The following SMARCA2 variants were observed in gnomAD, a reference collection of about 807,000 sequenced individuals.
SMARCA2 encodes SWI/SNF related BAF chromatin remodeling complex subunit ATPase 2, also known as SWI/SNF-related matrix-associated actin-dependent regulator of chromatin subfamily A member 2.
A neutral mutation model predicts 199.8 loss-of-function variants in SMARCA2; 61 were observed. That is an observed-to-expected ratio of 0.31 (90% confidence interval 0.25 to 0.38). The LOEUF is 0.38. Ranked by LOEUF, SMARCA2 falls within the 10% of genes least tolerant of loss-of-function variation. The pLI is 1.00. For synonymous variants in SMARCA2, 935 were observed against 732.0 expected (o/e 1.28, Z -4.48); for missense variants, 1,344 against 2,012.2 (o/e 0.67, Z 6.35).
At chr9:2,122,699 A>G (rs1444143303) in intron 26 of SMARCA2, among the ~76,000 whole-genome samples, 1 of 152,216 alleles carries the variant, frequency 6.6e-6, no homozygotes, top group Non-Finnish European at 1.5e-5. Flanking sequence ...TATCAGTTTT[A>G]GCTTTTAAGA....
intron 32 of SMARCA2, among the ~76,000 whole-genome samples, chr9:2,188,137 T>G (rs1428590469): frequency 6.6e-6 from 1 of 152,214 alleles, no homozygotes; most frequent in Non-Finnish European, 1.5e-5. Context: ...TTGTACTTAT[T>G]ATGAACACTT....
intron 5 of SMARCA2, among the ~76,000 whole-genome samples, chr9:2,051,185 T>G (rs1820103020): frequency 6.6e-6 from 1 of 152,222 alleles, no homozygotes; most frequent in Non-Finnish European, 1.5e-5. Context: ...AAGCCCCTCC[T>G]GTACCTTTGC....
chr9:2,016,468 G>C lies in SMARCA2; in HGVS notation c.-37+1064G>C, dbSNP rs1337150419. 2 of 152,422 alleles carry C rather than the reference G, an allele frequency of 1.3e-5. No homozygotes were observed. The highest frequency in any genetic ancestry group is 2.4e-5 in the African/African-American group (1 of 41,442). 9.4% of individuals were successfully genotyped at this position (152,422 alleles called of 1,614,324 possible). A position where few individuals can be genotyped will look rare whatever the true frequency, so the allele number is the denominator to read the frequency against. On this transcript the variant is annotated intron_variant, in intron 1 of 33. Coordinates refer to ENST00000349721, the MANE Select transcript of SMARCA2 (RefSeq NM_003070.5). This position sits in a 1 kb window ranked among gnomAD's most constrained non-coding sequence, Gnocchi z 5.6. ...CGCGTCTTCCCCTTGCTTGCGCCGC[G>C]GGAGCTGCGGGCGTGGGGCGCCTGC...
intron 4 of SMARCA2, chr9:2,044,602 CTA>C (rs1819756100): frequency 6.6e-6 from 1 of 152,172 alleles, no homozygotes; most frequent in Non-Finnish European, 1.5e-5. Context: ...CACCGCTGCC[CTA>C]TGAGGTGGCT....
At chr9:2,028,014 C>T (rs1243829050) in intron 1 of SMARCA2, among the ~76,000 whole-genome samples, 1 of 152,192 alleles carries the variant, frequency 6.6e-6, no homozygotes, top group East Asian at 1.9e-4. Flanking sequence ...GAGGCATTTC[C>T]AATGGGGATG....
chr9:2,179,840 T>A (rs1218427760), intron 29 of SMARCA2, among the ~76,000 whole-genome samples: 1 of 152,188 alleles, frequency 6.6e-6, no homozygotes, highest in Non-Finnish European at 1.5e-5. Context: ...GAGGTCTGAC[T>A]TTTGGGGTGC....
intron 4 of SMARCA2, 115 bp downstream of exon 4, chr9:2,040,015 C>T (rs1379301899): frequency 2.0e-6 from 3 of 1,518,578 alleles, no homozygotes; most frequent in African/African-American, 2.7e-5. Flanking sequence ...TTTTGTTATA[C>T]CTCACTGGCT....
At chr9:2,040,012 A>ATACC (rs1487796769) in intron 4 of SMARCA2, 112 bp downstream of exon 4, 34 of 1,526,502 alleles carry the variant, frequency 2.2e-5, no homozygotes, top group Non-Finnish European at 2.5e-5. Flanking sequence ...GCCTTTTGTT[A>ATACC]TACCTCACTG....
At chr9:2,044,011 A>G (rs539076371) in intron 4 of SMARCA2, 1 of 152,314 alleles carries the variant, frequency 6.6e-6, no homozygotes, top group South Asian at 2.1e-4. Context: ...ACCAGGGAAA[A>G]GTCTTGTCAA....
rs113939356 is a variant in SMARCA2, at chr9:2,087,480, A to AG, written c.2769+409_2769+410insG. 115 of 163,948 alleles carry AG rather than the reference A, an allele frequency of 7.0e-4. 1 individual carries two copies. Among genetic ancestry groups the AG allele is most frequent in the African/African-American group, 2.6e-3 (110 of 41,774 alleles). 10.2% of individuals were successfully genotyped at this position (163,948 alleles called of 1,614,324 possible). A position where few individuals can be genotyped will look rare whatever the true frequency, so the allele number is the denominator to read the frequency against. On this transcript the variant is annotated intron_variant, in intron 18 of 33. Coordinates refer to ENST00000349721, the MANE Select transcript of SMARCA2 (RefSeq NM_003070.5). ...TTACAAACTTGGAGTTCCCTTTAAA[A>AG]TATTTCCACATAAAGATTTTGTGTG... is the stretch of plus-strand genomic sequence containing the variant.
intron 3 of SMARCA2, among the ~76,000 whole-genome samples, chr9:2,034,627 A>C (rs16936835): frequency 0.14 from 21,027 of 152,226 alleles, 1,641 homozygotes; most frequent in Admixed American, 0.21. Context: ...TGTTTCCTCT[A>C]TCCATGATCA....
rs1563725197 is a variant in SMARCA2, at chr9:2,039,857, GCAA to G, written c.753_755del (p.Gln253del). 1.2e-6 allele frequency: 2 copies of G among 1,613,660 alleles called. No homozygotes were observed. The highest frequency in any genetic ancestry group is 2.2e-5 in the East Asian group (1 of 44,876). ...AGCAGCCGCCGCAACCACAGACGCA[GCAA>G]CAACAGCAGCCGGCCCTTGTTAACT... On this transcript the variant is annotated inframe_deletion, in exon 4 of 34. Coordinates refer to ENST00000349721, the MANE Select transcript of SMARCA2 (RefSeq NM_003070.5). The surrounding 1 kb of genome is among the most constrained non-coding windows in gnomAD (Gnocchi z 4.8).
At chr9:2,165,482 G>A (rs1825889981) in intron 28 of SMARCA2, among the ~76,000 whole-genome samples, 1 of 152,146 alleles carries the variant, frequency 6.6e-6, no homozygotes, top group Non-Finnish European at 1.5e-5. Context: ...AAATCCTTCT[G>A]CAGTAACTGC....
Position 2,083,422 on chromosome 9 carries a change from T to G in SMARCA2, c.2415+9T>G. 6.3e-7 allele frequency: 1 copy of G among 1,583,826 alleles called. No homozygotes were observed. The highest frequency in any genetic ancestry group is 8.6e-7 in the Non-Finnish European group (1 of 1,158,474). On this transcript the variant is annotated intron_variant, in intron 16 of 33. Transcript: ENST00000349721. Reference sequence around the variant, plus strand: ...TGAAGATTTCTTACAAGGTTTGGAATGCTGTATTTATATATAAATGTGGAA... The same window carrying G: ...TGAAGATTTCTTACAAGGTTTGGAAGGCTGTATTTATATATAAATGTGGAA...
intron 27 of SMARCA2, among the ~76,000 whole-genome samples, chr9:2,132,894 A>T (rs545995784): frequency 2.0e-5 from 3 of 152,336 alleles, no homozygotes; most frequent in Non-Finnish European, 2.9e-5. Flanking sequence ...TTAACAGCCC[A>T]TTGGACTTAA....
chr9:2,067,763 G>T (rs987884658), intron 9 of SMARCA2, among the ~76,000 whole-genome samples: 2 of 152,160 alleles, frequency 1.3e-5, no homozygotes, highest in African/African-American at 4.8e-5. Context: ...ATATTACTCT[G>T]TCTCTCAGAT....
intron 27 of SMARCA2, among the ~76,000 whole-genome samples, chr9:2,146,525 C>G (rs1824756370): frequency 6.6e-6 from 1 of 152,040 alleles, no homozygotes; most frequent in Non-Finnish European, 1.5e-5. Flanking sequence ...GAAAAGGGGT[C>G]CGGATCCAGA....
rs1390416675 is a variant in SMARCA2, at chr9:2,115,418, A to G, written c.3457-404A>G. On this transcript the variant is annotated intron_variant, in intron 24 of 33. Transcript: ENST00000349721. The surrounding 1 kb of genome is among the most constrained non-coding windows in gnomAD (Gnocchi z 6.0). ...AGTGATATTTTTAAAATAATCTTCA[A>G]CACATCACGCCAAAGAAAAGGCGTT... Among the ~76,000 whole-genome samples, 1 of 152,222 alleles carries G rather than the reference A, an allele frequency of 6.6e-6. No individual in the cohort carries two copies. Among genetic ancestry groups the G allele is most frequent in the African/African-American group, 2.4e-5 (1 of 41,462 alleles).
At chr9:2,053,068 C>G (rs1029044353) in intron 5 of SMARCA2, among the ~76,000 whole-genome samples, 1 of 152,022 alleles carries the variant, frequency 6.6e-6, no homozygotes, top group Non-Finnish European at 1.5e-5. Context: ...GCAGTTGATC[C>G]CATCATTCAG....
Sources: gnomAD v4.1 joint callset for allele counts (sites outside exome capture counted in the v4.1 genomes callset) on GRCh38, gnomAD v4.1.1 for gene constraint, Gnocchi (gnomAD v3.1) non-coding constraint, MANE v1.5 for transcripts, NCBI Gene and HGNC (gene_info 2026-07-23, HGNC 2026-07-21) for gene names.